LPAR1: variants seen among roughly 807,000 people sequenced by gnomAD.
The protein encoded by LPAR1 is LPA receptor 1.
A neutral mutation model predicts 23.8 loss-of-function variants in LPAR1; 5 were observed. The ratio of observed to expected loss-of-function variants is 0.21; its 90% CI spans 0.11 to 0.44. The LOEUF is 0.44. Among genes scored for constraint, LPAR1 ranks in the 20% least tolerant of loss-of-function variants. LPAR1 has a pLI of 0.99. For missense variants in LPAR1, 311 were observed against 482.8 expected (o/e 0.64, Z 3.33); for synonymous variants, 160 against 164.7 (o/e 0.97, Z 0.22).
chr9:110,943,084 TATC>T (rs1286178538), intron 4 of LPAR1, among the ~76,000 whole-genome samples: 1 of 147,998 alleles, frequency 6.8e-6, no homozygotes, highest in South Asian at 2.1e-4. Context: ...TTTATTTATC[TATC>T]ATAATATATA....
chr9:110,985,342 C>T (rs1350804250), intron 2 of LPAR1, among the ~76,000 whole-genome samples: 1 of 152,058 alleles, frequency 6.6e-6, no homozygotes, highest in African/African-American at 2.4e-5. Flanking sequence ...AAATCCTTTT[C>T]CACAAATAAG....
At chr9:110,959,394 T>C (rs1459125732) in intron 4 of LPAR1, among the ~76,000 whole-genome samples, 2 of 151,800 alleles carry the variant, frequency 1.3e-5, no homozygotes, top group East Asian at 3.9e-4. Context: ...GGCAGGCAAA[T>C]TGCTTGAGCT....
At chr9:110,989,433 A>T (rs1373848267) in intron 2 of LPAR1, among the ~76,000 whole-genome samples, 1 of 152,226 alleles carries the variant, frequency 6.6e-6, no homozygotes, top group African/African-American at 2.4e-5. Flanking sequence ...TTCTAAAAAG[A>T]TAATGAAAAT....
intron 2 of LPAR1, among the ~76,000 whole-genome samples, chr9:111,020,523 C>T (rs987259987): frequency 1.7e-4 from 26 of 152,202 alleles, no homozygotes; most frequent in African/African-American, 6.0e-4. Context: ...CTTTTGTCTA[C>T]ACCACTTCTC....
chr9:111,028,396 T>A (rs565132168), intron 2 of LPAR1, among the ~76,000 whole-genome samples: 1 of 152,266 alleles, frequency 6.6e-6, no homozygotes, highest in African/African-American at 2.4e-5. Context: ...AAGTCAATCT[T>A]AAGTGATGGA....
At chr9:110,928,225 T>G (rs954427106) in intron 5 of LPAR1, among the ~76,000 whole-genome samples, 7 of 152,182 alleles carry the variant, frequency 4.6e-5, no homozygotes, top group Non-Finnish European at 8.8e-5. Context: ...GAATATTTTT[T>G]GTTTCTGCTT....
At chr9:110,885,245 A>G (rs953649454) in intron 5 of LPAR1, among the ~76,000 whole-genome samples, 2 of 152,162 alleles carry the variant, frequency 1.3e-5, no homozygotes, top group Admixed American at 6.5e-5. Context: ...TCTACATTCA[A>G]ATGCAGTGGG....
chr9:110,935,266 C>T (rs1313320756), intron 5 of LPAR1, among the ~76,000 whole-genome samples: 1 of 152,038 alleles, frequency 6.6e-6, no homozygotes, highest in Non-Finnish European at 1.5e-5. Flanking sequence ...TGGATCCTGG[C>T]TTGGATCAGG....
At chr9:110,938,922 A>G (rs889274646) in intron 5 of LPAR1, among the ~76,000 whole-genome samples, 4 of 152,098 alleles carry the variant, frequency 2.6e-5, no homozygotes, top group African/African-American at 9.7e-5. Flanking sequence ...CCAGCAATCC[A>G]TTAGTGCTGT....
Position 110,884,135 on chromosome 9 carries a change from C to T in LPAR1, c.794-8413G>A, listed in dbSNP as rs78826875. Among the ~76,000 whole-genome samples, 472 of 152,290 alleles carry T rather than the reference C, an allele frequency of 3.1e-3. 13 individuals carry two copies. In the East Asian group the frequency reaches 0.075, roughly 24 times the overall value. ...TGCATAGTACGAGTCCTTACTTACT[C>T]GCCAAGCTTTGTCTTGCACTGCATG... is the stretch of plus-strand genomic sequence containing the variant. On this transcript the variant is annotated intron_variant, in intron 5 of 5. Transcript: ENST00000683809.
intron 5 of LPAR1, 62 bp from the exon 6 acceptor site, chr9:110,875,784 A>C: frequency 1.1e-6 from 1 of 897,838 alleles, no homozygotes; most frequent in Non-Finnish European, 1.6e-6. Flanking sequence ...AATATTATAA[A>C]ACATGCGACC....
chr9:110,891,115 C>T (rs1048526613), intron 5 of LPAR1, among the ~76,000 whole-genome samples: 8 of 152,096 alleles, frequency 5.3e-5, no homozygotes, highest in Admixed American at 2.6e-4. Flanking sequence ...AATAAGTTGT[C>T]CTCAGATTGC....
intron 2 of LPAR1, among the ~76,000 whole-genome samples, chr9:111,023,329 A>G (rs552933946): frequency 2.0e-5 from 3 of 152,192 alleles, no homozygotes; most frequent in African/African-American, 7.2e-5. Context: ...TGACTCTGCA[A>G]TCCCACGCAC....
chr9:111,032,292 C>T (rs2097811716), intron 2 of LPAR1, among the ~76,000 whole-genome samples: 1 of 152,168 alleles, frequency 6.6e-6, no homozygotes, highest in Non-Finnish European at 1.5e-5. Flanking sequence ...CAGGATCCTT[C>T]CAGATCCTAA....
chr9:110,918,577 G>C (rs375940140), intron 5 of LPAR1, among the ~76,000 whole-genome samples: 29 of 152,208 alleles, frequency 1.9e-4, no homozygotes, highest in Non-Finnish European at 3.8e-4. Context: ...CATCCTTGAG[G>C]TGAGTGGACA....
At position 110,887,216 on chromosome 9, in the gene LPAR1, G is replaced by C. The variant is rs942693591; in HGVS notation, c.794-11494C>G. Among the ~76,000 whole-genome samples, 15 of 152,108 alleles carry C rather than the reference G, an allele frequency of 9.9e-5. 1 individual carries two copies. In the East Asian group the frequency reaches 2.9e-3, roughly 29 times the overall value. ...ACCCAAGACAGAAACTTCAAGGATA[G>C]AGAAACGTAATGGAAATTTTATTTA... On this transcript the variant is annotated intron_variant, in intron 5 of 5. Transcript: ENST00000683809.
At chr9:110,922,897 T>G (rs904261211) in intron 5 of LPAR1, among the ~76,000 whole-genome samples, 8 of 151,212 alleles carry the variant, frequency 5.3e-5, no homozygotes, top group African/African-American at 1.9e-4. Context: ...CGTGCAGGTT[T>G]GTTACATAGG....
intron 2 of LPAR1, among the ~76,000 whole-genome samples, chr9:111,004,728 C>G (rs2097183927): frequency 6.6e-6 from 1 of 152,158 alleles, no homozygotes; most frequent in African/African-American, 2.4e-5. Context: ...GTACTTGGCC[C>G]TTTCCTATTC....
chr9:110,981,891 C>T (rs985129472), intron 2 of LPAR1, among the ~76,000 whole-genome samples: 5 of 152,120 alleles, frequency 3.3e-5, no homozygotes, highest in African/African-American at 7.2e-5. Flanking sequence ...CATCACTGCT[C>T]GTTACAGAAA....
Sources: gnomAD v4.1 joint callset for allele counts (sites outside exome capture counted in the v4.1 genomes callset) on GRCh38, gnomAD v4.1.1 for gene constraint, MANE v1.5 for transcripts, NCBI Gene and HGNC (gene_info 2026-07-23, HGNC 2026-07-21) for gene names.